The following ADGRB3 variants were observed in gnomAD, a reference collection of about 807,000 sequenced individuals.
The protein encoded by ADGRB3 is adhesion G protein-coupled receptor B3.
A neutral mutation model predicts 193.4 loss-of-function variants in ADGRB3; 37 were observed. The observed-to-expected ratio is 0.19, with a 90% CI of 0.15 to 0.25. ADGRB3 has a LOEUF of 0.25. Ranked by LOEUF, ADGRB3 falls within the 10% of genes least tolerant of loss-of-function variation. ADGRB3 has a pLI of 1.00. For missense variants in ADGRB3, 1,637 were observed against 1,852.9 expected, an observed-to-expected ratio of 0.88 and a Z score of 2.14; for synonymous variants, 690 against 644.2, an observed-to-expected ratio of 1.07 and a Z score of -1.08.
intron 20 of ADGRB3, among the ~76,000 whole-genome samples, chr6:69,297,889 A>G (rs1209383548): frequency 1.3e-5 from 2 of 152,042 alleles, no homozygotes; most frequent in Admixed American, 6.6e-5. Context: ...ATAGAGAGAG[A>G]AAAAACTTGG....
chr6:68,991,988 C>T (rs966176389), intron 10 of ADGRB3, among the ~76,000 whole-genome samples: 3 of 152,028 alleles, frequency 2.0e-5, no homozygotes, highest in Non-Finnish European at 4.4e-5. Flanking sequence ...GTACTTAGGG[C>T]ATAACAACTG....
At chr6:69,039,986 C>T (rs925287241) in intron 13 of ADGRB3, among the ~76,000 whole-genome samples, 11 of 151,890 alleles carry the variant, frequency 7.2e-5, no homozygotes, top group South Asian at 2.1e-4. Context: ...GTGATCCGCC[C>T]GCCTCGGCCT....
In ADGRB3 at chr6:69,030,978, TTTC is replaced by T. The variant is rs1554248235; in HGVS notation, c.2107+12482_2107+12484del. Among the ~76,000 whole-genome samples the T allele has an allele frequency of 4.1e-3, 330 of 81,182 alleles. 5 individuals are homozygous for T. Among genetic ancestry groups the T allele is most frequent in the Non-Finnish European group, 5.4e-3 (202 of 37,166 alleles). 53.3% of individuals were successfully genotyped at this position (81,182 alleles called of 152,430 possible). On this transcript the variant is annotated intron_variant, in intron 13 of 31. Transcript: ENST00000370598. ...CTTTTTTTCTTTTCTTTTCTTTTCT[TTTC>T]TTTTCTTTTCTTTCTTTTCCTTTCT...
At chr6:69,195,948 A>T (rs1215399402) in intron 17 of ADGRB3, among the ~76,000 whole-genome samples, 1 of 152,176 alleles carries the variant, frequency 6.6e-6, no homozygotes, top group East Asian at 1.9e-4. Flanking sequence ...TGAATAGTCT[A>T]CTGATATCCA....
chr6:68,903,160 A>C (rs145073324), intron 3 of ADGRB3, among the ~76,000 whole-genome samples: 14 of 152,312 alleles, frequency 9.2e-5, no homozygotes, highest in Non-Finnish European at 1.6e-4. Context: ...CTTTTGTGAA[A>C]AGAAGGTAGA....
At chr6:68,775,461 C>G (rs902209054) in intron 3 of ADGRB3, among the ~76,000 whole-genome samples, 1 of 152,130 alleles carries the variant, frequency 6.6e-6, no homozygotes, top group South Asian at 2.1e-4. Context: ...ATGTCAATTT[C>G]TCTGTGCAAG....
chr6:68,770,003 T>G (rs1766585000), intron 3 of ADGRB3, among the ~76,000 whole-genome samples: 2 of 152,158 alleles, frequency 1.3e-5, no homozygotes, highest in South Asian at 4.1e-4. Context: ...GCTTCCAATA[T>G]TTTGAATTAC....
At chr6:69,288,421 C>T (rs1045738821) in intron 20 of ADGRB3, among the ~76,000 whole-genome samples, 1 of 152,020 alleles carries the variant, frequency 6.6e-6, no homozygotes, top group African/African-American at 2.4e-5. Flanking sequence ...TGTATATGTA[C>T]CACATTTTCT....
intron 16 of ADGRB3, among the ~76,000 whole-genome samples, chr6:69,073,449 C>T (rs1772136574): frequency 6.6e-6 from 1 of 151,920 alleles, no homozygotes; most frequent in Admixed American, 6.6e-5. Context: ...AGAGATTAGG[C>T]TTGCAGACAC....
rs561314356 is a variant in ADGRB3 at position 69,022,984 on chromosome 6, A to G, written c.2107+4485A>G. Among the ~76,000 whole-genome samples the G allele has an allele frequency of 6.6e-5, 10 of 152,202 alleles. No individual in the cohort carries two copies. The East Asian group carries it at 1.9e-3, about 29-fold the overall frequency. ...ATTTTTCACAATAGCTTCATATAGC[A>G]TATTACATTTGCTTTTATTGATAAG... On this transcript the variant is annotated intron_variant, in intron 13 of 31. Transcript: ENST00000370598.
chr6:68,666,384 T>C (rs572529561), intron 3 of ADGRB3, among the ~76,000 whole-genome samples: 1 of 152,046 alleles, frequency 6.6e-6, no homozygotes, highest in East Asian at 1.9e-4. Flanking sequence ...TAAAGTTGTC[T>C]ATTCATGTGA....
At chr6:69,223,221 A>G (rs1452925379) in intron 17 of ADGRB3, among the ~76,000 whole-genome samples, 5 of 152,298 alleles carry the variant, frequency 3.3e-5, no homozygotes, top group African/African-American at 9.6e-5. Context: ...TGCATTTTGT[A>G]TGTAGGCAAT....
chr6:68,766,370 A>G (rs62416548), intron 3 of ADGRB3, among the ~76,000 whole-genome samples: 14,817 of 151,916 alleles, frequency 0.098, 887 homozygotes, highest in Middle Eastern at 0.15. Flanking sequence ...GAACTTTTTC[A>G]AGGACCATAC....
intron 8 of ADGRB3, among the ~76,000 whole-genome samples, chr6:68,959,770 A>G (rs1486176757): frequency 2.0e-5 from 3 of 152,262 alleles, no homozygotes; most frequent in Non-Finnish European, 4.4e-5. Context: ...ATAAGAAAAC[A>G]TTTTTTAAAA....
chr6:68,850,269 T>C (rs145691260), intron 3 of ADGRB3, among the ~76,000 whole-genome samples: 4 of 151,978 alleles, frequency 2.6e-5, no homozygotes, highest in Admixed American at 6.6e-5. Flanking sequence ...GCTTTTTTAC[T>C]TTTTTACTCA....
At chr6:69,085,715 G>A (rs1772528586) in intron 17 of ADGRB3, among the ~76,000 whole-genome samples, 1 of 151,690 alleles carries the variant, frequency 6.6e-6, no homozygotes, top group South Asian at 2.1e-4. Context: ...CAGGTTTGGT[G>A]TTCCTCAGTA....
chr6:69,000,462 T>G (rs1173588010), intron 11 of ADGRB3, among the ~76,000 whole-genome samples: 3 of 152,220 alleles, frequency 2.0e-5, no homozygotes, highest in African/African-American at 7.2e-5. Flanking sequence ...CTTTATCTCA[T>G]GCCTAAACAA....
chr6:68,936,501 T>G lies in ADGRB3; in HGVS notation c.869-18T>G, dbSNP rs762124127. The G allele has an allele frequency of 5.6e-6, 9 of 1,611,236 alleles. No homozygotes were observed. The highest frequency in any genetic ancestry group is 1.1e-5 in the South Asian group (1 of 90,680). ...ACTTAAGACAGTATTTCATGTTTATTTGTTGTCTTGCACGCAGGTGAATCT... is the reference window on the plus strand; with the variant it reads ...ACTTAAGACAGTATTTCATGTTTATGTGTTGTCTTGCACGCAGGTGAATCT... On this transcript the variant is annotated intron_variant, in intron 4 of 31. Coordinates refer to ENST00000370598, the MANE Select transcript of ADGRB3 (RefSeq NM_001704.3).
intron 15 of ADGRB3, among the ~76,000 whole-genome samples, chr6:69,061,089 T>C (rs1242971456): frequency 1.3e-5 from 2 of 151,750 alleles, no homozygotes; most frequent in African/African-American, 2.4e-5. Flanking sequence ...AAAAAGACTG[T>C]TAACCAGCTC....
Sources: allele counts gnomAD v4.1 joint callset (sites outside exome capture counted in the v4.1 genomes callset), GRCh38; gene constraint gnomAD v4.1.1; transcripts MANE v1.5; gene names NCBI Gene and HGNC (gene_info 2026-07-23, HGNC 2026-07-21).